Variants in CD44 observed in about 807,000 individuals in gnomAD.
The protein encoded by CD44 is CD44 antigen.
A neutral mutation model predicts 88.8 loss-of-function variants in CD44; 49 were observed. The ratio of observed to expected loss-of-function variants is 0.55; its 90% CI spans 0.44 to 0.70. The LOEUF (loss-of-function observed/expected upper bound fraction) is 0.70, where lower values mean the gene tolerates loss of function less well. Ranked by LOEUF, CD44 falls within the 30% of genes least tolerant of loss-of-function variation. The pLI is 0.00. For missense variants in CD44, 883 were observed against 913.8 expected, an observed-to-expected ratio of 0.97 and a Z score of 0.43; for synonymous variants, 325 against 312.3, an observed-to-expected ratio of 1.04 and a Z score of -0.43.
intron 2 of CD44, chr11:35,176,945 A>G (rs1335940325): frequency 7.4e-6 from 4 of 538,442 alleles, no homozygotes; most frequent in African/African-American, 1.9e-5. Context: ...TGAATCATAG[A>G]GCGGGAACCC....
At chr11:35,217,946 T>G (rs916596773) in intron 15 of CD44, among the ~76,000 whole-genome samples, 4 of 152,120 alleles carry the variant, frequency 2.6e-5, no homozygotes, top group African/African-American at 9.7e-5. Context: ...AAATTGTTTA[T>G]TTATTTATTA....
intron 17 of CD44, chr11:35,222,994 C>G: frequency 3.0e-6 from 3 of 985,372 alleles, no homozygotes; most frequent in Non-Finnish European, 3.6e-6. Context: ...CATACAGTCT[C>G]TAATTATCTG....
chr11:35,163,924 A>C (rs1385191508), intron 1 of CD44, among the ~76,000 whole-genome samples: 4 of 152,092 alleles, frequency 2.6e-5, no homozygotes, highest in Non-Finnish European at 5.9e-5. Flanking sequence ...CACCTCTCTC[A>C]GCCTCAGTTT....
In CD44 at chr11:35,211,240, A is replaced by C. The variant is rs1338138572; in HGVS notation, c.1607-6A>C. The stretch of plus-strand genomic sequence containing the variant: ...CGGGTTCATCACTGATTCCACCTCC[A>C]CACAGATAGGAATGATGTCACAGGT... On this transcript the variant is annotated splice_polypyrimidine_tract_variant and splice_region_variant and intron_variant, in intron 13 of 17. Transcript: ENST00000428726. 3 of 1,610,984 alleles carry C rather than the reference A, an allele frequency of 1.9e-6. No homozygotes were observed. In the East Asian group the frequency reaches 6.7e-5, roughly 36 times the overall value.
Position 35,180,307 on chromosome 11 carries a change from C to G in CD44, c.267C>G (p.Pro89=), listed in dbSNP as rs749390088. The change falls in exon 3 of 18, where the codon CCC becomes CCG. Residue 89 remains proline (P), a synonymous_variant. Transcript: ENST00000428726. ...YGFIEGHVVI[P]RIHPNSICAA... Reference sequence around the variant, plus strand: ...TCATAGAAGGGCACGTGGTGATTCCCCGGATCCACCCCAACTCCATCTGTG... The same window carrying G: ...TCATAGAAGGGCACGTGGTGATTCCGCGGATCCACCCCAACTCCATCTGTG... The G allele has an allele frequency of 2.5e-6, 4 of 1,613,870 alleles. No individual in the cohort carries two copies. In the Admixed American group the frequency reaches 5.0e-5, roughly 20 times the overall value.
chr11:35,176,398 G>C (rs1944473113), intron 1 of CD44, among the ~76,000 whole-genome samples, 177 bp from the exon 2 acceptor site: 3 of 150,458 alleles, frequency 2.0e-5, no homozygotes, highest in South Asian at 4.2e-4. Flanking sequence ...GGCTGGTCTT[G>C]AGCTCCTGAC....
chr11:35,196,855 CACA>C lies in CD44; in HGVS notation c.784_786del (p.Thr262del), dbSNP rs1299695466. The C allele has an allele frequency of 3.1e-6, 5 of 1,613,320 alleles. No homozygotes were observed. The highest frequency in any genetic ancestry group is 1.7e-5 in the Admixed American group (1 of 59,974). The stretch of plus-strand genomic sequence containing the variant: ...CATCAGAGTCAAAGAATCATCTTCA[CACA>C]ACAACACAAATGGCTGGTAATGAGT... On this transcript the variant is annotated inframe_deletion, in exon 6 of 18. Coordinates refer to ENST00000428726, the MANE Select transcript of CD44 (RefSeq NM_000610.4).
In CD44 at chr11:35,167,812, C is replaced by G. The variant is rs73436927; in HGVS notation, c.68-8763C>G. On this transcript the variant is annotated intron_variant, in intron 1 of 17. Coordinates refer to ENST00000428726, the MANE Select transcript of CD44 (RefSeq NM_000610.4). ...AGCCTGTGTCCTTGGTGACCCAACCCTGGGCCAACCCCAAGTCCTGGAGTC... is the reference window on the plus strand; with the variant it reads ...AGCCTGTGTCCTTGGTGACCCAACCGTGGGCCAACCCCAAGTCCTGGAGTC... 8.7e-3 allele frequency among the ~76,000 whole-genome samples: 1,330 copies of G among 152,316 alleles called. 30 individuals are homozygous for G. The highest frequency in any genetic ancestry group is 0.03 in the African/African-American group (1,236 of 41,568).
intron 17 of CD44, chr11:35,222,609 A>ATATATATAT: frequency 1.6e-6 from 1 of 621,036 alleles, no homozygotes; most frequent in Non-Finnish European, 2.0e-6. Context: ...ATATATATAT[A>ATATATATAT]TATATATACA....
chr11:35,163,772 T>C (rs1168871949), intron 1 of CD44, among the ~76,000 whole-genome samples: 1 of 152,158 alleles, frequency 6.6e-6, no homozygotes, highest in Non-Finnish European at 1.5e-5. Flanking sequence ...CCCAAGATGT[T>C]AAAACTATCT....
intron 1 of CD44, among the ~76,000 whole-genome samples, chr11:35,176,158 T>C (rs1944445876): frequency 6.6e-6 from 1 of 151,050 alleles, no homozygotes. Context: ...TTCTCCTGCC[T>C]CAGCCTCCGG....
chr11:35,194,297 C>T (rs1946531210), intron 5 of CD44, among the ~76,000 whole-genome samples: 1 of 152,114 alleles, frequency 6.6e-6, no homozygotes, highest in Non-Finnish European at 1.5e-5. Context: ...AAAGATAAAA[C>T]CAGGCCTAGA....
At chr11:35,176,478 T>G in intron 1 of CD44, 97 bp from the exon 2 acceptor site, 1 of 1,166,562 alleles carries the variant, frequency 8.6e-7, no homozygotes, top group Admixed American at 2.3e-5. Context: ...GCGCCCGGCC[T>G]TATTTGACTT....
At chr11:35,217,230 C>T (rs1333955451) in intron 15 of CD44, among the ~76,000 whole-genome samples, 3 of 150,680 alleles carry the variant, frequency 2.0e-5, no homozygotes, top group Admixed American at 6.6e-5. Context: ...TCTTGCTGCA[C>T]GCACACCCAG....
intron 1 of CD44, among the ~76,000 whole-genome samples, chr11:35,159,957 T>G (rs932432555): frequency 1.3e-5 from 2 of 152,316 alleles, no homozygotes; most frequent in South Asian, 4.1e-4. Flanking sequence ...CCTTGAGAAT[T>G]GAGGAGCTCA....
intron 17 of CD44, chr11:35,223,228 C>T (rs1949446456): frequency 1.0e-6 from 1 of 985,086 alleles, no homozygotes; most frequent in Non-Finnish European, 1.2e-6. Context: ...AATAATGTGA[C>T]TTGGGGGAGC....
rs2133994174 is a variant in CD44, at chr11:35,197,881, C to G, written c.797-240C>G. On this transcript the variant is annotated intron_variant, in intron 6 of 17. Coordinates refer to ENST00000428726, the MANE Select transcript of CD44 (RefSeq NM_000610.4). Reference sequence around the variant, plus strand: ...CTTATATGGTGAGATTATGTCCACACTTATTCTTTCAGCTTTCTTAAAGAG... The same window carrying G: ...CTTATATGGTGAGATTATGTCCACAGTTATTCTTTCAGCTTTCTTAAAGAG... 3 of 467,906 alleles carry G rather than the reference C, an allele frequency of 6.4e-6. No individual in the cohort carries two copies. The East Asian group carries it at 9.7e-5, about 15-fold the overall frequency. 29.0% of individuals were successfully genotyped at this position (467,906 alleles called of 1,614,324 possible).
chr11:35,195,011 A>G (rs1946599438), intron 5 of CD44, among the ~76,000 whole-genome samples: 1 of 152,190 alleles, frequency 6.6e-6, no homozygotes, highest in Admixed American at 6.5e-5. Context: ...TTCTTTGGAC[A>G]CTTAAAATCT....
rs554520231 is a variant in CD44 at position 35,144,929 on chromosome 11, G to T, written c.67+5559G>T. On this transcript the variant is annotated intron_variant, in intron 1 of 17. Transcript: ENST00000428726. ...GATTCAGGACATGTGTACTTTGGAG[G>T]TAAGTATTTCATATTCCTCCCCTCT... Among the ~76,000 whole-genome samples, 7 of 152,296 alleles carry T rather than the reference G, an allele frequency of 4.6e-5. No individual in the cohort carries two copies. In the East Asian group the frequency reaches 1.2e-3, roughly 25 times the overall value.
Sources: allele counts gnomAD v4.1 joint callset (sites outside exome capture counted in the v4.1 genomes callset), GRCh38; gene constraint gnomAD v4.1.1; transcripts MANE v1.5; gene names NCBI Gene and HGNC (gene_info 2026-07-23, HGNC 2026-07-21).